The following SYTL3 variants were observed in gnomAD, a reference collection of about 807,000 sequenced individuals.
SYTL3 encodes synaptotagmin-like protein 3.
In SYTL3, 88 loss-of-function variants were observed where a neutral mutation model predicts 82.1. That is an observed-to-expected ratio of 1.07 (90% CI 0.90 to 1.28). The LOEUF (loss-of-function observed/expected upper bound fraction) is 1.28. Among genes scored for constraint, SYTL3 ranks in the 50% most tolerant of loss-of-function variants. The pLI is 0.00. For synonymous variants in SYTL3, 311 were observed against 289.4 expected (o/e 1.07, Z -0.76); for missense variants, 831 against 757.6 (o/e 1.10, Z -1.14).
rs775751372 is a variant in SYTL3 at position 158,746,459 on chromosome 6, A to ATAT, written c.1034+821_1034+823dup. Among the ~76,000 whole-genome samples, 1,096 of 142,042 alleles carry ATAT rather than the reference A, an allele frequency of 7.7e-3. 7 individuals carry two copies. Among genetic ancestry groups the ATAT allele is most frequent in the African/African-American group, 0.013 (483 of 38,208 alleles). 93.2% of individuals were successfully genotyped at this position (142,042 alleles called of 152,430 possible). On this transcript the variant is annotated intron_variant, in intron 12 of 17. Transcript: ENST00000611299. ...CACCATTATAATAATAATAATAATA[A>ATAT]TATTATTATTATTATTATTATTTTG...
chr6:158,682,770 G>A (rs570694195), intron 5 of SYTL3, among the ~76,000 whole-genome samples, 155 bp from the exon 6 acceptor site: 1 of 152,294 alleles, frequency 6.6e-6, no homozygotes, highest in African/African-American at 2.4e-5. Flanking sequence ...CCTCTATGGG[G>A]AATCTGTAAA....
At chr6:158,719,034 G>T (rs1186369938) in intron 10 of SYTL3, among the ~76,000 whole-genome samples, 2 of 151,986 alleles carry the variant, frequency 1.3e-5, no homozygotes, top group African/African-American at 4.8e-5. Context: ...CCTGCCTCCC[G>T]CTCCAGCCCA....
intron 5 of SYTL3, among the ~76,000 whole-genome samples, chr6:158,681,441 G>A (rs1330873405): frequency 6.6e-6 from 1 of 152,122 alleles, no homozygotes; most frequent in Non-Finnish European, 1.5e-5. Context: ...TTCACAAGTG[G>A]TCTGCTCAGG....
At chr6:158,682,851 A>G in intron 5 of SYTL3, 74 bp from the exon 6 acceptor site, 1 of 1,160,116 alleles carries the variant, frequency 8.6e-7, no homozygotes, top group Non-Finnish European at 1.3e-6. Context: ...ACCTTACCTA[A>G]CCCTTAAAAG....
chr6:158,659,015 C>G (rs1789042454), intron 2 of SYTL3, among the ~76,000 whole-genome samples: 1 of 152,152 alleles, frequency 6.6e-6, no homozygotes, highest in African/African-American at 2.4e-5. Context: ...GATTGTTGTT[C>G]TAAGTGCTAA....
rs1583317224 is a variant in SYTL3, at chr6:158,708,373, C to T, written c.498C>T (p.Cys166=). ...PTPPPVSESQ[C]SRSPGRLQEF... ...CACCTCCTGTCAGCGAGAGCCAGTG[C>T]AGCCGCAGTCCTGGCAGGGTAACGT... is the stretch of plus-strand genomic sequence containing the variant. Residue 166 remains cysteine, a synonymous_variant, in exon 8 of 18, where the codon TGC becomes TGT. Coordinates refer to ENST00000611299, the MANE Select transcript of SYTL3 (RefSeq NM_001242394.2). 4 of 1,614,162 alleles carry T rather than the reference C, an allele frequency of 2.5e-6. No homozygotes were observed. Among genetic ancestry groups the T allele is most frequent in the Non-Finnish European group, 3.4e-6 (4 of 1,179,998 alleles).
At chr6:158,709,687 G>A (rs1026689055) in intron 8 of SYTL3, among the ~76,000 whole-genome samples, 1 of 152,144 alleles carries the variant, frequency 6.6e-6, no homozygotes, top group Non-Finnish European at 1.5e-5. Flanking sequence ...CATAATCCCA[G>A]AAGACATAGT....
At position 158,718,169 on chromosome 6, in the gene SYTL3, G is replaced by C. The variant is rs1429300405; in HGVS notation, c.678G>C (p.Glu226Asp). ...CCAGGCAGTGTGTGGGACAGACAGA[G>C]AGACGGAGCCAGTCTGACACTGCGG... ...TGPRQCVGQT[E>D]RRSQSDTAVN... Residue 226 changes from glutamate (E) to aspartate (D), a missense_variant, in exon 10 of 18, where the codon GAG (glutamate) becomes GAC (aspartate). Physicochemically the swap from Glu to Asp is conservative, Grantham distance 45. Transcript: ENST00000611299. 7.8e-6 allele frequency: 12 copies of C among 1,545,512 alleles called. No homozygotes were observed. Among genetic ancestry groups the C allele is most frequent in the East Asian group, 2.5e-5 (1 of 40,392 alleles).
chr6:158,752,755 C>T (rs1245382106), intron 13 of SYTL3, among the ~76,000 whole-genome samples: 1 of 152,192 alleles, frequency 6.6e-6, no homozygotes, highest in Non-Finnish European at 1.5e-5. Flanking sequence ...CGTCTCATGC[C>T]TATGACAGGA....
At chr6:158,679,720 G>C (rs1778443060) in intron 5 of SYTL3, among the ~76,000 whole-genome samples, 1 of 152,188 alleles carries the variant, frequency 6.6e-6, no homozygotes, top group Non-Finnish European at 1.5e-5. Flanking sequence ...GATTCGCGCT[G>C]GGTGACTAGG....
At chr6:158,677,271 C>T (rs1778146900) in intron 5 of SYTL3, among the ~76,000 whole-genome samples, 1 of 152,092 alleles carries the variant, frequency 6.6e-6, no homozygotes, top group Non-Finnish European at 1.5e-5. Flanking sequence ...ATGGATGAAG[C>T]TGGAAACCAT....
At chr6:158,764,086 C>T (rs982762252) in intron 17 of SYTL3, among the ~76,000 whole-genome samples, 1 of 152,242 alleles carries the variant, frequency 6.6e-6, no homozygotes, top group African/African-American at 2.4e-5. Flanking sequence ...CATTGCTTTT[C>T]AAAGATATTT....
At chr6:158,710,023 C>G (rs749189497) in intron 8 of SYTL3, among the ~76,000 whole-genome samples, 1 of 152,102 alleles carries the variant, frequency 6.6e-6, no homozygotes, top group African/African-American at 2.4e-5. Context: ...CAACAGAGCG[C>G]GACTGTCTCT....
chr6:158,679,017 C>T (rs1479626942), intron 5 of SYTL3, among the ~76,000 whole-genome samples: 1 of 152,152 alleles, frequency 6.6e-6, no homozygotes, highest in Non-Finnish European at 1.5e-5. Flanking sequence ...TGGACAGAGA[C>T]TACAGGATCT....
chr6:158,707,711 A>G (rs531378186), intron 7 of SYTL3, among the ~76,000 whole-genome samples: 1 of 152,328 alleles, frequency 6.6e-6, no homozygotes, highest in East Asian at 1.9e-4. Context: ...AGAGATGTGA[A>G]CTTCTTTGCA....
chr6:158,749,321 A>T (rs1359656090), intron 12 of SYTL3, among the ~76,000 whole-genome samples: 2 of 134,218 alleles, frequency 1.5e-5, no homozygotes, highest in Non-Finnish European at 3.1e-5. Context: ...TCAGCCCAGG[A>T]GGGCTGTGAT....
rs115168432 is a variant in SYTL3 at position 158,655,719 on chromosome 6, C to T, written c.-637+3877C>T. Among the ~76,000 whole-genome samples, 542 of 152,302 alleles carry T rather than the reference C, an allele frequency of 3.6e-3. 4 individuals carry two copies. Among genetic ancestry groups the T allele is most frequent in the African/African-American group, 0.012 (503 of 41,560 alleles). On this transcript the variant is annotated intron_variant, in intron 2 of 17. Transcript: ENST00000611299. ...GGTCTCCACATGCATCAGCACGTTT[C>T]GTCATCATAGCACCGCCGTGAAGTG...
At chr6:158,757,964 T>G (rs952134448) in intron 14 of SYTL3, among the ~76,000 whole-genome samples, 1 of 152,018 alleles carries the variant, frequency 6.6e-6, no homozygotes, top group Non-Finnish European at 1.5e-5. Flanking sequence ...GAGGAGCTGA[T>G]GGACTCCATT....
chr6:158,708,272 G>A (rs370743753), intron 7 of SYTL3, 50 bp from the exon 8 acceptor site: 25 of 1,440,026 alleles, frequency 1.7e-5, no homozygotes, highest in Non-Finnish European at 2.0e-5. Context: ...TAAAACTAAC[G>A]GCTTGCATGG....
Sources: gnomAD v4.1 joint callset for allele counts (sites outside exome capture counted in the v4.1 genomes callset) on GRCh38, gnomAD v4.1.1 for gene constraint, MANE v1.5 for transcripts, NCBI Gene and HGNC (gene_info 2026-07-23, HGNC 2026-07-21) for gene names.